Variants in MYO3B observed in about 807,000 individuals in gnomAD.
MYO3B encodes the protein myosin IIIB.
Under a neutral mutation model 174.6 loss-of-function variants are expected in MYO3B, and 156 were observed. The ratio of observed to expected loss-of-function variants is 0.89; its 90% CI spans 0.78 to 1.02. The LOEUF (loss-of-function observed/expected upper bound fraction) is 1.02, where lower values mean the gene tolerates loss of function less well. Among genes scored for constraint, MYO3B ranks in the 50% least tolerant of loss-of-function variants. The probability of loss-of-function intolerance (pLI) is 0.00; values close to 1 mark genes in which losing one functional copy is unlikely to be tolerated. For missense variants in MYO3B, 1,632 were observed against 1,639.4 expected (o/e 1.00, Z 0.08); for synonymous variants, 563 against 569.1 (o/e 0.99, Z 0.15).
chr2:170,203,499 G>T (rs1315722001), intron 3 of MYO3B, among the ~76,000 whole-genome samples: 1 of 120,966 alleles, frequency 8.3e-6, no homozygotes, highest in African/African-American at 4.0e-5. Context: ...AGGGGGCGGC[G>T]GGGGGGGGAG....
intron 25 of MYO3B, among the ~76,000 whole-genome samples, chr2:170,483,375 C>CT (rs61527598): frequency 0.14 from 8,700 of 62,024 alleles, 2,466 homozygotes; most frequent in African/African-American, 0.22. Flanking sequence ...CTTGGGGATT[C>CT]TTTTTTTTTT....
intron 6 of MYO3B, among the ~76,000 whole-genome samples, chr2:170,229,600 T>A (rs1225278957): frequency 2.6e-5 from 4 of 152,222 alleles, no homozygotes; most frequent in Admixed American, 6.5e-5. Flanking sequence ...ATAATACTAT[T>A]TGCTTGAAAA....
At chr2:170,188,096 C>T (rs2092490024) in intron 1 of MYO3B, among the ~76,000 whole-genome samples, 1 of 152,058 alleles carries the variant, frequency 6.6e-6, no homozygotes, top group African/African-American at 2.4e-5. Context: ...TTTATTGGAG[C>T]CTCTCTTTAG....
chr2:170,232,539 T>A (rs573086056), intron 6 of MYO3B, among the ~76,000 whole-genome samples: 5 of 152,358 alleles, frequency 3.3e-5, no homozygotes, highest in Admixed American at 6.5e-5. Flanking sequence ...TTTAACCAAC[T>A]GTAACTTTTA....
At chr2:170,379,725 A>G (rs1365820793) in intron 9 of MYO3B, among the ~76,000 whole-genome samples, 1 of 152,060 alleles carries the variant, frequency 6.6e-6, no homozygotes, top group African/African-American at 2.4e-5. Context: ...ATAATTTTAA[A>G]CTGCTTAGGT....
intron 7 of MYO3B, among the ~76,000 whole-genome samples, chr2:170,324,998 G>T (rs958634112): frequency 1.8e-4 from 28 of 152,022 alleles, no homozygotes; most frequent in African/African-American, 6.0e-4. Context: ...CACCACGGAG[G>T]CCCATAGTGA....
intron 1 of MYO3B, among the ~76,000 whole-genome samples, chr2:170,180,734 T>C (rs2092388251): frequency 6.6e-6 from 1 of 152,116 alleles, no homozygotes; most frequent in Non-Finnish European, 1.5e-5. Flanking sequence ...AGTTTAAGAG[T>C]TTCCTGTGTA....
chr2:170,634,106 G>GA (rs1697256210), intron 32 of MYO3B, among the ~76,000 whole-genome samples: 1 of 151,870 alleles, frequency 6.6e-6, no homozygotes. Flanking sequence ...CACAGAATTG[G>GA]AAAAAAACTA....
At chr2:170,443,158 T>G (rs1373686118) in intron 22 of MYO3B, among the ~76,000 whole-genome samples, 1 of 152,190 alleles carries the variant, frequency 6.6e-6, no homozygotes, top group Non-Finnish European at 1.5e-5. Flanking sequence ...CAGCACCTGT[T>G]GTTTCCTGAC....
rs116336533 is a variant in MYO3B, at chr2:170,480,918, G to A, written c.3014+14207G>A. Among the ~76,000 whole-genome samples, 963 of 152,200 alleles carry A rather than the reference G, an allele frequency of 6.3e-3. 11 individuals carry two copies. The highest frequency in any genetic ancestry group is 0.022 in the African/African-American group (916 of 41,526). On this transcript the variant is annotated intron_variant, in intron 25 of 34. Coordinates refer to ENST00000408978, the MANE Select transcript of MYO3B (RefSeq NM_138995.5). Reference sequence around the variant, plus strand: ...GCCTACAACACATCCTTTAACTCTCGCAAAGTGAACTGAATATCATCAGTT... The same window carrying A: ...GCCTACAACACATCCTTTAACTCTCACAAAGTGAACTGAATATCATCAGTT...
chr2:170,278,717 A>C (rs751841816), intron 7 of MYO3B, among the ~76,000 whole-genome samples: 3 of 152,010 alleles, frequency 2.0e-5, no homozygotes, highest in Non-Finnish European at 4.4e-5. Context: ...CTTTTACCTA[A>C]CTGTATGTTT....
At chr2:170,321,410 C>T (rs987851211) in intron 7 of MYO3B, among the ~76,000 whole-genome samples, 2 of 151,780 alleles carry the variant, frequency 1.3e-5, no homozygotes, top group East Asian at 3.9e-4. Context: ...ATTAACTAAC[C>T]TAATCAAGAA....
intron 8 of MYO3B, among the ~76,000 whole-genome samples, chr2:170,367,776 C>G (rs1433658835): frequency 2.0e-5 from 3 of 152,086 alleles, no homozygotes; most frequent in Non-Finnish European, 4.4e-5. Flanking sequence ...AGCATATGCA[C>G]TGATTTTTTA....
chr2:170,473,145 T>TC (rs1276187411), intron 25 of MYO3B, among the ~76,000 whole-genome samples: 1 of 110,356 alleles, frequency 9.1e-6, no homozygotes, highest in Non-Finnish European at 1.7e-5. Flanking sequence ...TTTTCTTTTT[T>TC]TTTTTTTTTT....
chr2:170,328,248 G>T (rs1487582232), intron 7 of MYO3B, among the ~76,000 whole-genome samples: 1 of 152,084 alleles, frequency 6.6e-6, no homozygotes, highest in East Asian at 1.9e-4. Flanking sequence ...CGTATGCTGA[G>T]GTTATTACCC....
intron 21 of MYO3B, among the ~76,000 whole-genome samples, chr2:170,405,904 GA>G: frequency 6.6e-6 from 1 of 152,174 alleles, no homozygotes; most frequent in East Asian, 1.9e-4. Context: ...TCTCCAGAGA[GA>G]AAACACATTA....
intron 32 of MYO3B, among the ~76,000 whole-genome samples, chr2:170,545,529 T>C (rs1310042623): frequency 6.6e-6 from 1 of 152,220 alleles, no homozygotes; most frequent in Non-Finnish European, 1.5e-5. Context: ...TGTAAGGCAT[T>C]AAGTTTTGGT....
intron 25 of MYO3B, among the ~76,000 whole-genome samples, chr2:170,475,078 G>A (rs1050016879): frequency 1.3e-5 from 2 of 152,058 alleles, no homozygotes; most frequent in Non-Finnish European, 2.9e-5. Flanking sequence ...CTTCACTAAG[G>A]GATTAGAGAA....
At position 170,206,365 on chromosome 2, in the gene MYO3B, T is replaced by A. The variant is rs561446123; in HGVS notation, c.321+6081T>A. The stretch of plus-strand genomic sequence containing the variant: ...CACCACACTTCCTTAGGCACAGCTC[T>A]GCTTCCACATTCCACACTATAATTA... On this transcript the variant is annotated intron_variant, in intron 3 of 34. Transcript: ENST00000408978. This position sits in a 1 kb window ranked among gnomAD's most constrained non-coding sequence, Gnocchi z 4.3. 6.6e-6 allele frequency among the ~76,000 whole-genome samples: 1 copy of A among 152,322 alleles called. No homozygotes were observed. The highest frequency in any genetic ancestry group is 2.1e-4 in the South Asian group (1 of 4,822).
Sources: gnomAD v4.1 joint callset for allele counts (sites outside exome capture counted in the v4.1 genomes callset) on GRCh38, gnomAD v4.1.1 for gene constraint, Gnocchi (gnomAD v3.1) non-coding constraint, MANE v1.5 for transcripts, NCBI Gene and HGNC (gene_info 2026-07-23, HGNC 2026-07-21) for gene names.